Variants in ENTHD1 observed in about 807,000 individuals in gnomAD.
ENTHD1 encodes ENTH domain-containing protein 1.
ENTHD1 carries 23 observed loss-of-function variants against 39.1 expected under a neutral mutation model. The observed-to-expected ratio is 0.59, with a 90% CI of 0.42 to 0.83. The LOEUF (loss-of-function observed/expected upper bound fraction) is 0.83. Ranked by LOEUF, ENTHD1 falls within the 40% of genes least tolerant of loss-of-function variation. The pLI, the probability that ENTHD1 is intolerant of heterozygous loss-of-function variation, is 0.00. For synonymous variants in ENTHD1, 230 were observed against 258.2 expected (o/e 0.89, Z 1.05); for missense variants, 624 against 705.4 (o/e 0.88, Z 1.31).
intron 2 of ENTHD1, among the ~76,000 whole-genome samples, chr22:39,863,169 C>A (rs1307758954): frequency 6.6e-6 from 1 of 152,142 alleles, no homozygotes; most frequent in African/African-American, 2.4e-5. Context: ...TCTGTTATAG[C>A]AGCACAAGCA....
chr22:39,861,449 A>C (rs566481735), intron 3 of ENTHD1, among the ~76,000 whole-genome samples: 1 of 152,276 alleles, frequency 6.6e-6, no homozygotes, highest in African/African-American at 2.4e-5. Context: ...CTGAGTCAGG[A>C]GAATTGCTTG....
intron 6 of ENTHD1, among the ~76,000 whole-genome samples, chr22:39,754,917 A>G (rs952996574): frequency 1.3e-5 from 2 of 152,224 alleles, no homozygotes; most frequent in African/African-American, 4.8e-5. Flanking sequence ...CAAATTTCTT[A>G]ACCTGGCACA....
chr22:39,875,407 G>A (rs906743860), intron 2 of ENTHD1: 167 of 1,469,824 alleles, frequency 1.1e-4, no homozygotes, highest in Admixed American at 2.4e-4. Flanking sequence ...CCACCCCGGA[G>A]CAGCCTGTGT....
chr22:39,762,250 A>G (rs2065240130), intron 6 of ENTHD1, among the ~76,000 whole-genome samples: 1 of 152,084 alleles, frequency 6.6e-6, no homozygotes, highest in Non-Finnish European at 1.5e-5. Flanking sequence ...ACAAATAATG[A>G]GGTTTGCCCC....
At chr22:39,830,624 G>A (rs2065861836) in intron 4 of ENTHD1, among the ~76,000 whole-genome samples, 1 of 151,824 alleles carries the variant, frequency 6.6e-6, no homozygotes, top group Non-Finnish European at 1.5e-5. Flanking sequence ...TCTTTCACAG[G>A]AAAAAAAGAG....
chr22:39,758,125 A>G (rs190591259), intron 6 of ENTHD1, among the ~76,000 whole-genome samples: 3 of 152,322 alleles, frequency 2.0e-5, no homozygotes, highest in Non-Finnish European at 2.9e-5. Flanking sequence ...TGTATCCTGA[A>G]ATCTTGCTAA....
At chr22:39,878,264 G>C (rs1242286741) in intron 2 of ENTHD1, among the ~76,000 whole-genome samples, 1 of 152,112 alleles carries the variant, frequency 6.6e-6, no homozygotes, top group Non-Finnish European at 1.5e-5. Context: ...GAAAAGCAAA[G>C]AGAAAAACCG....
At chr22:39,840,777 C>G (rs150085495) in intron 3 of ENTHD1, among the ~76,000 whole-genome samples, 3 of 150,756 alleles carry the variant, frequency 2.0e-5, no homozygotes, top group Middle Eastern at 3.4e-3. Flanking sequence ...TTTTTTGAGA[C>G]GGAGTCTCGC....
chr22:39,807,335 A>G (rs2065650768), intron 5 of ENTHD1, among the ~76,000 whole-genome samples: 1 of 152,196 alleles, frequency 6.6e-6, no homozygotes, highest in African/African-American at 2.4e-5. Flanking sequence ...CCACTTTGCC[A>G]GGGAAGCTCC....
chr22:39,769,886 G>A (rs1205716899), intron 5 of ENTHD1, among the ~76,000 whole-genome samples: 2 of 152,314 alleles, frequency 1.3e-5, no homozygotes, highest in East Asian at 3.9e-4. Context: ...CTAAATGCCT[G>A]TAGAGGGGAA....
intron 3 of ENTHD1, among the ~76,000 whole-genome samples, chr22:39,854,582 G>A (rs2066069966): frequency 2.0e-5 from 3 of 151,946 alleles, no homozygotes; most frequent in Admixed American, 2.0e-4. Context: ...GTATTGTTCT[G>A]TCTTGCCATC....
intron 2 of ENTHD1, among the ~76,000 whole-genome samples, chr22:39,882,034 A>G (rs2066342697): frequency 6.6e-6 from 1 of 152,356 alleles, no homozygotes; most frequent in East Asian, 1.9e-4. Context: ...TTCATTTCTC[A>G]GTACAGACTT....
At chr22:39,878,149 G>C (rs751568780) in intron 2 of ENTHD1, among the ~76,000 whole-genome samples, 1 of 152,184 alleles carries the variant, frequency 6.6e-6, no homozygotes, top group Non-Finnish European at 1.5e-5. Context: ...CAAAAATATT[G>C]TAACAGAAAT....
intron 5 of ENTHD1, among the ~76,000 whole-genome samples, chr22:39,802,852 C>T (rs1387068480): frequency 6.6e-6 from 1 of 152,214 alleles, no homozygotes; most frequent in Non-Finnish European, 1.5e-5. Context: ...TTCTTTCCAT[C>T]ACTCTGACAA....
chr22:39,798,051 T>C (rs2065565227), intron 5 of ENTHD1, among the ~76,000 whole-genome samples: 1 of 152,180 alleles, frequency 6.6e-6, no homozygotes, highest in Non-Finnish European at 1.5e-5. Context: ...TTCACCTTCT[T>C]GAACATCCCA....
At chr22:39,781,246 C>T (rs1246398633) in intron 5 of ENTHD1, among the ~76,000 whole-genome samples, 3 of 152,106 alleles carry the variant, frequency 2.0e-5, no homozygotes, top group Non-Finnish European at 4.4e-5. Flanking sequence ...CCAGAACAAA[C>T]CATATCTTAG....
At chr22:39,799,792 A>T (rs1283482656) in intron 5 of ENTHD1, among the ~76,000 whole-genome samples, 1 of 152,210 alleles carries the variant, frequency 6.6e-6, no homozygotes, top group East Asian at 1.9e-4. Flanking sequence ...TGACCTGGGC[A>T]GCATTCGGTT....
At chr22:39,748,425 T>G (rs1361486524) in intron 6 of ENTHD1, among the ~76,000 whole-genome samples, 1 of 149,330 alleles carries the variant, frequency 6.7e-6, no homozygotes, top group Non-Finnish European at 1.5e-5. Flanking sequence ...TCATTTTCTT[T>G]TCTTTTTTTT....
Position 39,862,007 on chromosome 22 carries a change from C to A in ENTHD1, c.350G>T (p.Gly117Val). The A allele has an allele frequency of 6.8e-7, 1 of 1,473,240 alleles. No individual in the cohort carries two copies. Among genetic ancestry groups the A allele is most frequent in the Non-Finnish European group, 9.2e-7 (1 of 1,092,754 alleles). The allele number at this position is 1,473,240 out of a possible 1,614,324, so 91.3% of individuals were successfully genotyped here. Reference sequence around the variant, plus strand: ...CTTAGATTTTTCCCGGATATAATAACCTGAAAAATACATTGACTCTGCTTA... The same window carrying A: ...CTTAGATTTTTCCCGGATATAATAAACTGAAAAATACATTGACTCTGCTTA... ...QHIDEAGKDQ[G>V]YYIREKSKQV... The change falls in exon 3 of 7, where the codon GGT becomes GTT. Residue 117 changes from glycine to valine, a missense_variant and splice_region_variant. Gly to Val is a moderately radical substitution (Grantham distance 109). Transcript: ENST00000325157.
Sources: allele counts gnomAD v4.1 joint callset (sites outside exome capture counted in the v4.1 genomes callset), GRCh38; gene constraint gnomAD v4.1.1; transcripts MANE v1.5; gene names NCBI Gene and HGNC (gene_info 2026-07-23, HGNC 2026-07-21).